SMPD4: variants seen among roughly 807,000 people sequenced by gnomAD.
SMPD4 encodes sphingomyelin phosphodiesterase 4, also known as neutral sphingomyelinase 3.
SMPD4 carries 58 observed loss-of-function variants against 97.8 expected under a neutral mutation model. The observed-to-expected ratio is 0.59, with a 90% CI of 0.48 to 0.74. SMPD4 has a LOEUF of 0.74. SMPD4 is among the 30% of genes least tolerant of loss of function. The probability of loss-of-function intolerance (pLI) is 0.00; values close to 1 mark genes in which losing one functional copy is unlikely to be tolerated. For missense variants in SMPD4, 853 were observed against 1,080.5 expected, an observed-to-expected ratio of 0.79 and a Z score of 2.95; for synonymous variants, 388 against 450.0, an observed-to-expected ratio of 0.86 and a Z score of 1.74.
intron 11 of SMPD4, chr2:130,158,143 A>C: frequency 8.3e-7 from 1 of 1,211,180 alleles, no homozygotes; most frequent in Non-Finnish European, 1.1e-6. Flanking sequence ...GTTCAAAAAT[A>C]AGAACCCCAT....
In SMPD4 at chr2:130,157,235, C is replaced by T. The variant is rs745654934; in HGVS notation, c.1097+16G>A. ...GGGGGAGACGGCAGTGGTGGGAAGC[C>T]GCAAGGGCCACCCACCGTTTGAACT... is the stretch of plus-strand genomic sequence containing the variant. On this transcript the variant is annotated intron_variant, in intron 12 of 19. Coordinates refer to ENST00000680298, the MANE Select transcript of SMPD4 (RefSeq NM_017951.5). The T allele has an allele frequency of 2.6e-5, 40 of 1,547,498 alleles. No individual in the cohort carries two copies. Among genetic ancestry groups the T allele is most frequent in the African/African-American group, 8.2e-5 (6 of 73,328 alleles).
Position 130,161,172 on chromosome 2 carries a change from G to A in SMPD4, c.951+14C>T, listed in dbSNP as rs200317160. ...GCACTCTGGGCAGGAGGAAGGGAAC[G>A]AATGAGCCAGTACTTGGTAGGCGTG... On this transcript the variant is annotated intron_variant, in intron 11 of 19. Coordinates refer to ENST00000680298, the MANE Select transcript of SMPD4 (RefSeq NM_017951.5). 3.0e-4 allele frequency: 485 copies of A among 1,611,498 alleles called. 4 individuals are homozygous for A. In the South Asian group the frequency reaches 3.1e-3, roughly 10 times the overall value.
intron 8 of SMPD4, among the ~76,000 whole-genome samples, chr2:130,169,430 T>G (rs1688230978): frequency 6.6e-6 from 1 of 151,908 alleles, no homozygotes; most frequent in Admixed American, 6.6e-5. Context: ...TATTAAGAGG[T>G]CAAGGGATGC....
At chr2:130,181,438 G>C (rs1408534709) in intron 1 of SMPD4, 92 bp downstream of exon 1, 1 of 1,519,410 alleles carries the variant, frequency 6.6e-7, no homozygotes. Flanking sequence ...CGAGTCCTGG[G>C]GCTCGCGGAG....
chr2:130,169,161 T>C (rs992930153), intron 8 of SMPD4, among the ~76,000 whole-genome samples: 2 of 152,242 alleles, frequency 1.3e-5, no homozygotes, highest in Non-Finnish European at 2.9e-5. Context: ...AAGCCCATGC[T>C]GGGCCTAGTC....
intron 14 of SMPD4, 148 bp downstream of exon 14, chr2:130,155,887 C>T (rs11679878): frequency 0.37 from 258,441 of 697,894 alleles, 48,541 homozygotes; most frequent in Admixed American, 0.44. Flanking sequence ...GTGTTCCGCT[C>T]GGCAGGGGCT....
At position 130,170,458 on chromosome 2, in the gene SMPD4, C is replaced by CA. The variant is rs556058599; in HGVS notation, c.659+1890dup. Among the ~76,000 whole-genome samples the CA allele has an allele frequency of 5.8e-3, 372 of 64,620 alleles. 20 individuals are homozygous for CA. The highest frequency in any genetic ancestry group is 0.016 in the African/African-American group (258 of 16,032). The allele number at this position is 64,620 out of a possible 152,430, so 42.4% of individuals were successfully genotyped here. A position where few individuals can be genotyped will look rare whatever the true frequency, so the allele number is the denominator to read the frequency against. ...CCTGGGCAACAGAGTAAGACCCTGTCAAAAAAAAAAAAAAAAGCACACAAT... is the reference window on the plus strand; with the variant it reads ...CCTGGGCAACAGAGTAAGACCCTGTCAAAAAAAAAAAAAAAAAGCACACAAT... On this transcript the variant is annotated intron_variant, in intron 8 of 19. Coordinates refer to ENST00000680298, the MANE Select transcript of SMPD4 (RefSeq NM_017951.5).
At chr2:130,157,520 C>T in intron 11 of SMPD4, 124 bp from the exon 12 acceptor site, 1 of 1,513,994 alleles carries the variant, frequency 6.6e-7, no homozygotes, top group Non-Finnish European at 8.9e-7. Flanking sequence ...AGGCATGAGC[C>T]AGGCCAGGAG....
intron 10 of SMPD4, 76 bp from the exon 11 acceptor site, chr2:130,161,348 G>C (rs1687391305): frequency 2.8e-5 from 33 of 1,164,732 alleles, no homozygotes; most frequent in Admixed American, 1.7e-4. Flanking sequence ...GAAGGGGAGA[G>C]ATAGGACCAG....
At chr2:130,171,004 T>G (rs1219421848) in intron 8 of SMPD4, among the ~76,000 whole-genome samples, 2 of 151,650 alleles carry the variant, frequency 1.3e-5, no homozygotes, top group East Asian at 3.9e-4. Flanking sequence ...GAGGTTGCAG[T>G]GAGCCAAGAT....
chr2:130,170,489 A>T (rs1316737483), intron 8 of SMPD4, among the ~76,000 whole-genome samples: 7 of 150,304 alleles, frequency 4.7e-5, no homozygotes, highest in Admixed American at 2.7e-4. Context: ...ACAATGGACC[A>T]GTGTAGTGGT....
At chr2:130,172,200 T>G (rs2104897154) in intron 8 of SMPD4, 149 bp downstream of exon 8, 1 of 901,818 alleles carries the variant, frequency 1.1e-6, no homozygotes, top group Admixed American at 3.0e-5. Flanking sequence ...CCCTCCAGTC[T>G]GTGCTAAGAC....
At chr2:130,155,431 A>G (rs1295543973) in intron 14 of SMPD4, among the ~76,000 whole-genome samples, 172 bp from the exon 15 acceptor site, 2 of 151,930 alleles carry the variant, frequency 1.3e-5, no homozygotes, top group Non-Finnish European at 2.9e-5. Context: ...GGCAGGGAGG[A>G]CAGGACAGAG....
intron 7 of SMPD4, 32 bp downstream of exon 7, chr2:130,172,593 A>G (rs1214119162): frequency 2.5e-6 from 4 of 1,613,924 alleles, no homozygotes; most frequent in Non-Finnish European, 3.4e-6. Flanking sequence ...CCGTGGCCCC[A>G]CCTCTCCCAG....
rs553723439 is a variant in SMPD4 at position 130,152,702 on chromosome 2, C to A, written c.2337G>T (p.Thr779=). 13 of 1,575,810 alleles carry A rather than the reference C, an allele frequency of 8.2e-6. No homozygotes were observed. The South Asian group carries it at 1.3e-4, about 15-fold the overall frequency. ...LSLRFLGSYR[T]LVSLLLAFFV... Reference sequence around the variant, plus strand: ...AGAAGGCCAGCAGCAGCGAGACCAGCGTCCGGTAACTGCCCAGGAAGCGCA... The same window carrying A: ...AGAAGGCCAGCAGCAGCGAGACCAGAGTCCGGTAACTGCCCAGGAAGCGCA... Residue 779 remains threonine (T), a synonymous_variant, in exon 20 of 20, where the codon ACG becomes ACT. Transcript: ENST00000680298.
intron 9 of SMPD4, among the ~76,000 whole-genome samples, chr2:130,167,109 A>G (rs540662276): frequency 2.8e-4 from 42 of 151,088 alleles, no homozygotes; most frequent in African/African-American, 1.0e-3. Flanking sequence ...AGGTGGCAAC[A>G]GTTTCTTTTC....
At position 130,164,446 on chromosome 2, in the gene SMPD4, C is replaced by T. The variant is rs748519324; in HGVS notation, c.793-1G>A. The T allele has an allele frequency of 2.5e-6, 4 of 1,613,704 alleles. No individual in the cohort carries two copies. The highest frequency in any genetic ancestry group is 3.4e-6 in the Non-Finnish European group (4 of 1,179,822). On this transcript the variant is annotated splice_acceptor_variant, in intron 9 of 19. Transcript: ENST00000680298. LOFTEE classifies it high-confidence loss of function. Reference sequence around the variant, plus strand: ...GATGAAGCCACATTTCAACAAAAACCTGCAAAAAAGCATTAGCTAGTCAAA... The same window carrying T: ...GATGAAGCCACATTTCAACAAAAACTTGCAAAAAAGCATTAGCTAGTCAAA...
intron 5 of SMPD4, 41 bp from the exon 6 acceptor site, chr2:130,172,936 G>A (rs1486524678): frequency 1.3e-6 from 2 of 1,582,170 alleles, no homozygotes; most frequent in East Asian, 4.7e-5. Context: ...AGGTGCTGGT[G>A]CGTAGTGCCC....
In SMPD4 at chr2:130,180,763, G is replaced by A. The variant is rs183489556; in HGVS notation, c.-46+767C>T. On this transcript the variant is annotated intron_variant, in intron 1 of 19. Coordinates refer to ENST00000680298, the MANE Select transcript of SMPD4 (RefSeq NM_017951.5). ...TGCTCAGAAGAAGCTTTCATGGGCA[G>A]CGACTGAAAGAATGAGGCCCAGAGG... Among the ~76,000 whole-genome samples the A allele has an allele frequency of 1.9e-3, 289 of 152,330 alleles. 1 individual carries two copies. The highest frequency in any genetic ancestry group is 6.3e-3 in the African/African-American group (263 of 41,568).
Sources: gnomAD v4.1 joint callset for allele counts (sites outside exome capture counted in the v4.1 genomes callset) on GRCh38, gnomAD v4.1.1 for gene constraint, MANE v1.5 for transcripts, NCBI Gene and HGNC (gene_info 2026-07-23, HGNC 2026-07-21) for gene names.